CCDC57: variants seen among roughly 807,000 people sequenced by gnomAD.
The protein encoded by CCDC57 is coiled-coil domain-containing protein 57.
CCDC57 carries 118 observed loss-of-function variants against 118.9 expected under a neutral mutation model. That is an observed-to-expected ratio of 0.99 (90% CI 0.86 to 1.16). The LOEUF (loss-of-function observed/expected upper bound fraction) is 1.16, where lower values mean the gene tolerates loss of function less well. Ranked by LOEUF, CCDC57 falls within the 50% of genes most tolerant of loss-of-function variation. The probability of loss-of-function intolerance (pLI) is 0.00; values close to 1 mark genes in which losing one functional copy is unlikely to be tolerated. For synonymous variants in CCDC57, 527 were observed against 532.9 expected, an observed-to-expected ratio of 0.99 and a Z score of 0.15; for missense variants, 1,300 against 1,320.7, an observed-to-expected ratio of 0.98 and a Z score of 0.24.
At chr17:82,127,516 GAAACACTCAGGTGCC>G (rs1229658191) in intron 19 of CCDC57, 161 bp downstream of exon 18, 1 of 985,446 alleles carries the variant, frequency 1.0e-6, no homozygotes, top group Non-Finnish European at 1.2e-6. Context: ...CATAACCCGG[GAAACACTCAGGTGCC>G]AAATGAGAGG....
intron 11 of CCDC57, among the ~76,000 whole-genome samples, chr17:82,173,968 A>G (rs1322122666): frequency 6.6e-6 from 1 of 152,234 alleles, no homozygotes; most frequent in Non-Finnish European, 1.5e-5. Context: ...GTGAACAACT[A>G]GAACACCAGA....
intron 13 of CCDC57, among the ~76,000 whole-genome samples, chr17:82,166,220 T>C (rs2043969243): frequency 6.6e-6 from 1 of 151,482 alleles, no homozygotes; most frequent in South Asian, 2.1e-4. Context: ...AATTATGGGA[T>C]GAAGATTTTA....
chr17:82,113,322 CTG>C, intron 19 of CCDC57: 1 of 692,480 alleles, frequency 1.4e-6, no homozygotes, highest in Non-Finnish European at 2.7e-6. Context: ...TGACAAGGTG[CTG>C]TGGGGCTGTG....
Position 82,188,524 on chromosome 17 carries a change from T to C in CCDC57, c.852-105A>G, listed in dbSNP as rs958862140. The C allele has an allele frequency of 2.5e-6, 3 of 1,177,432 alleles. No individual in the cohort carries two copies. In the African/African-American group the frequency reaches 4.6e-5, roughly 18 times the overall value. 72.9% of individuals were successfully genotyped at this position (1,177,432 alleles called of 1,614,324 possible). On this transcript the variant is annotated intron_variant, in intron 7 of 19. Coordinates refer to ENST00000665763, the Ensembl canonical transcript of CCDC57. ...GCCCTGTCTCGTGCACAGGTGCTGC[T>C]GTATGTCTGCCTCAAGGCTTCGCAG...
At chr17:82,144,207 G>A (rs1030963682) in intron 16 of CCDC57, among the ~76,000 whole-genome samples, 6 of 152,080 alleles carry the variant, frequency 3.9e-5, no homozygotes, top group African/African-American at 1.4e-4. Flanking sequence ...CTACTTGGGA[G>A]GCTAAGGCAG....
In CCDC57 at chr17:82,118,141, T is replaced by C. The variant is rs1281864854; in HGVS notation, c.2899+9551A>G. 6.6e-6 allele frequency among the ~76,000 whole-genome samples: 1 copy of C among 152,016 alleles called. No homozygotes were observed. Among genetic ancestry groups the C allele is most frequent in the African/African-American group, 2.4e-5 (1 of 41,364 alleles). On this transcript the variant is annotated intron_variant, in intron 19 of 19. Coordinates refer to ENST00000665763, the Ensembl canonical transcript of CCDC57. This position sits in a 1 kb window ranked among gnomAD's most constrained non-coding sequence, Gnocchi z 4.7. ...AAAAAAGCAAGCTGCCCCCACGATA[T>C]GCAATTGACAAGAAAAGAGGATATA...
At chr17:82,120,503 G>C (rs937143261) in intron 19 of CCDC57, among the ~76,000 whole-genome samples, 1 of 152,190 alleles carries the variant, frequency 6.6e-6, no homozygotes, top group African/African-American at 2.4e-5. Flanking sequence ...CCAGAAACCC[G>C]GTGCCCTTAA....
chr17:82,150,929 G>C (rs190796968), intron 16 of CCDC57, among the ~76,000 whole-genome samples: 8 of 31,522 alleles, frequency 2.5e-4, no homozygotes, highest in Admixed American at 4.8e-4. Context: ...AGAACCAGGC[G>C]CACACCCAGA....
chr17:82,176,493 C>T (rs1370857365), intron 11 of CCDC57, among the ~76,000 whole-genome samples: 5 of 152,206 alleles, frequency 3.3e-5, no homozygotes, highest in Non-Finnish European at 7.3e-5. Context: ...ACCCCTACGT[C>T]CTCACGCCCT....
intron 11 of CCDC57, among the ~76,000 whole-genome samples, chr17:82,175,038 C>T (rs889011350): frequency 2.0e-4 from 30 of 152,184 alleles, no homozygotes; most frequent in African/African-American, 6.0e-4. Flanking sequence ...ATCACAATGG[C>T]GAACAACATG....
At chr17:82,178,915 G>A in intron 10 of CCDC57, 112 bp downstream of exon 9, 1 of 1,201,692 alleles carries the variant, frequency 8.3e-7, no homozygotes, top group Non-Finnish European at 1.2e-6. Context: ...ACTCAGTGAG[G>A]TTTAGTGTTT....
chr17:82,198,186 AT>A, intron 4 of CCDC57, 127 bp downstream of exon 3: 1 of 597,152 alleles, frequency 1.7e-6, no homozygotes, highest in Admixed American at 3.3e-5. Flanking sequence ...CAAAGACCCC[AT>A]TTTACTCCCA....
At chr17:82,204,072 G>A (rs899025834) in intron 2 of CCDC57, among the ~76,000 whole-genome samples, 6 of 152,138 alleles carry the variant, frequency 3.9e-5, no homozygotes, top group African/African-American at 1.4e-4. Flanking sequence ...CCCGCTGGGG[G>A]CACGAGGGCT....
rs373874358 is a variant in CCDC57 at position 82,158,687 on chromosome 17, CA to C, written c.2041-740del. 8.3e-3 allele frequency among the ~76,000 whole-genome samples: 916 copies of C among 110,708 alleles called. 11 individuals carry two copies. Among genetic ancestry groups the C allele is most frequent in the African/African-American group, 0.021 (607 of 29,060 alleles). 72.6% of individuals were successfully genotyped at this position (110,708 alleles called of 152,430 possible). ...TGGGCGACAGAGCGAGACTCCATTT[CA>C]AAAAAAAAAAAAAAAAAGCTTGTAT... is the stretch of plus-strand genomic sequence containing the variant. On this transcript the variant is annotated intron_variant, in intron 14 of 19. Coordinates refer to ENST00000665763, the Ensembl canonical transcript of CCDC57.
At chr17:82,178,217 ACT>A (rs1199891431) in intron 11 of CCDC57, among the ~76,000 whole-genome samples, 2 of 152,182 alleles carry the variant, frequency 1.3e-5, no homozygotes, top group African/African-American at 4.8e-5. Flanking sequence ...ATAAGAACAA[ACT>A]CACATGAACG....
intron 19 of CCDC57, among the ~76,000 whole-genome samples, chr17:82,114,647 C>T (rs1209951785): frequency 6.6e-6 from 1 of 152,126 alleles, no homozygotes; most frequent in Non-Finnish European, 1.5e-5. Flanking sequence ...GTCACGATCC[C>T]GTGCTCTGTC....
intron 15 of CCDC57, among the ~76,000 whole-genome samples, chr17:82,152,947 T>C (rs2042236530): frequency 6.6e-6 from 1 of 152,132 alleles, no homozygotes; most frequent in South Asian, 2.1e-4. Flanking sequence ...GCTTTCCTCT[T>C]GGACAGAGAA....
rs537698330 is a variant in CCDC57, at chr17:82,169,062, G to A, written c.1882+2639C>T. Among the ~76,000 whole-genome samples, 11 of 152,262 alleles carry A rather than the reference G, an allele frequency of 7.2e-5. No individual in the cohort carries two copies. In the South Asian group the frequency reaches 1.2e-3, roughly 17 times the overall value. On this transcript the variant is annotated intron_variant, in intron 13 of 19. Coordinates refer to ENST00000665763, the Ensembl canonical transcript of CCDC57. ...CATACCGGAGAGTTTAGCTAGGGGCGATAATGCAAGAAGAAGTAAACAATA... is the reference window on the plus strand; with the variant it reads ...CATACCGGAGAGTTTAGCTAGGGGCAATAATGCAAGAAGAAGTAAACAATA...
chr17:82,173,519 G>C (rs367853180), intron 11 of CCDC57, among the ~76,000 whole-genome samples: 1 of 152,114 alleles, frequency 6.6e-6, no homozygotes, highest in South Asian at 2.1e-4. Context: ...GACAGGAGAC[G>C]CGTCTACAAC....
Sources: allele counts gnomAD v4.1 joint callset (sites outside exome capture counted in the v4.1 genomes callset), GRCh38; gene constraint gnomAD v4.1.1; non-coding constraint Gnocchi (gnomAD v3.1); transcripts MANE v1.5; gene names NCBI Gene and HGNC (gene_info 2026-07-23, HGNC 2026-07-21).